Variants in FAM107B observed in about 807,000 individuals in gnomAD.
FAM107B encodes the protein protein FAM107B.
Under a neutral mutation model 31.5 loss-of-function variants are expected in FAM107B, and 21 were observed. The observed-to-expected ratio is 0.67, with a 90% CI of 0.47 to 0.96. FAM107B has a LOEUF of 0.96. FAM107B is among the 40% of genes least tolerant of loss of function. The probability of loss-of-function intolerance (pLI) is 0.00; values close to 1 mark genes in which losing one functional copy is unlikely to be tolerated. For synonymous variants in FAM107B, 157 were observed against 141.5 expected, an observed-to-expected ratio of 1.11 and a Z score of -0.78; for missense variants, 452 against 377.1, an observed-to-expected ratio of 1.20 and a Z score of -1.64.
chr10:14,529,288 TAATCCAAC>T (rs1846675930), intron 3 of FAM107B, among the ~76,000 whole-genome samples: 2 of 152,212 alleles, frequency 1.3e-5, no homozygotes, highest in Non-Finnish European at 2.9e-5. Context: ...TAATATACAT[TAATCCAAC>T]AGCTTCCTAC....
chr10:14,655,507 C>T (rs1348648349), intron 2 of FAM107B, among the ~76,000 whole-genome samples: 6 of 152,216 alleles, frequency 3.9e-5, no homozygotes, highest in Non-Finnish European at 4.4e-5. Context: ...GCAACCTCCG[C>T]CTCCCAGGTT....
At chr10:14,552,856 G>T (rs2131085774) in intron 2 of FAM107B, among the ~76,000 whole-genome samples, 1 of 152,124 alleles carries the variant, frequency 6.6e-6, no homozygotes, top group East Asian at 1.9e-4. Flanking sequence ...TCGTTGTAAT[G>T]CTTGTTGTGA....
chr10:14,591,257 A>G (rs1488282658), intron 2 of FAM107B, among the ~76,000 whole-genome samples: 1 of 152,224 alleles, frequency 6.6e-6, no homozygotes. Context: ...TTAGGTGAAC[A>G]GGCACCCAAG....
intron 2 of FAM107B, chr10:14,604,217 G>C: frequency 8.2e-6 from 8 of 979,758 alleles, no homozygotes; most frequent in Non-Finnish European, 9.7e-6. Flanking sequence ...TGTGTGGAAA[G>C]TAAGTGCGGG....
chr10:14,723,750 G>A, intron 1 of FAM107B: 1 of 757,940 alleles, frequency 1.3e-6, no homozygotes, highest in Non-Finnish European at 2.4e-6. Flanking sequence ...CAGGGGTGAA[G>A]TGGCCAGCAA....
chr10:14,604,584 G>A (rs1376662415), intron 2 of FAM107B, among the ~76,000 whole-genome samples: 1 of 151,814 alleles, frequency 6.6e-6, no homozygotes, highest in African/African-American at 2.4e-5. Flanking sequence ...ACCAGCCGGG[G>A]CTGCAGCGCT....
intron 2 of FAM107B, among the ~76,000 whole-genome samples, chr10:14,591,635 C>A (rs1339986707): frequency 6.6e-6 from 1 of 152,120 alleles, no homozygotes; most frequent in African/African-American, 2.4e-5. Flanking sequence ...GGAGAAAGAT[C>A]GATGAGGAAA....
chr10:14,618,956 GGAA>G (rs752962033), intron 2 of FAM107B, among the ~76,000 whole-genome samples: 2 of 152,158 alleles, frequency 1.3e-5, no homozygotes, highest in Non-Finnish European at 2.9e-5. Flanking sequence ...CAGACACGCA[GGAA>G]GAAGATGGTC....
chr10:14,577,218 C>T (rs1298736520), intron 2 of FAM107B, among the ~76,000 whole-genome samples: 1 of 152,212 alleles, frequency 6.6e-6, no homozygotes, highest in Non-Finnish European at 1.5e-5. Context: ...GTTTCTCTGT[C>T]AAATCCTTCC....
At chr10:14,745,416 T>C (rs192355845) in intron 1 of FAM107B, among the ~76,000 whole-genome samples, 347 of 152,272 alleles carry the variant, frequency 2.3e-3, no homozygotes, top group African/African-American at 7.6e-3. Context: ...GAGATCTTTC[T>C]AGCTTTTTGA....
chr10:14,528,868 A>T (rs1457480181), intron 3 of FAM107B, among the ~76,000 whole-genome samples: 1 of 152,206 alleles, frequency 6.6e-6, no homozygotes. Flanking sequence ...TTTAGAGAAC[A>T]CTTATTCTGC....
chr10:14,711,463 T>C (rs1016553387), intron 1 of FAM107B, among the ~76,000 whole-genome samples: 1 of 152,174 alleles, frequency 6.6e-6, no homozygotes, highest in Non-Finnish European at 1.5e-5. Context: ...CGTGTTACAA[T>C]TGCCTACAGT....
intron 1 of FAM107B, among the ~76,000 whole-genome samples, chr10:14,714,818 GA>G (rs1248334506): frequency 6.6e-6 from 1 of 152,180 alleles, no homozygotes; most frequent in East Asian, 1.9e-4. Flanking sequence ...ATCAATGATG[GA>G]AGACAAATTA....
At chr10:14,530,743 C>A (rs1846891772) in intron 2 of FAM107B, among the ~76,000 whole-genome samples, 1 of 152,196 alleles carries the variant, frequency 6.6e-6, no homozygotes, top group African/African-American at 2.4e-5. Context: ...GGCCAGGGAG[C>A]CCTGTGGCCT....
chr10:14,603,738 A>C (rs1852481594), intron 2 of FAM107B, among the ~76,000 whole-genome samples: 1 of 152,128 alleles, frequency 6.6e-6, no homozygotes, highest in Non-Finnish European at 1.5e-5. Context: ...TTACTTGCAG[A>C]CTGGAGTCAG....
At chr10:14,610,031 A>G (rs1852688251) in intron 2 of FAM107B, among the ~76,000 whole-genome samples, 1 of 152,214 alleles carries the variant, frequency 6.6e-6, no homozygotes, top group Non-Finnish European at 1.5e-5. Context: ...ACAATAGGGA[A>G]AGGAAAACGA....
intron 1 of FAM107B, among the ~76,000 whole-genome samples, chr10:14,711,636 C>T (rs886190677): frequency 5.9e-5 from 9 of 152,122 alleles, no homozygotes; most frequent in African/African-American, 9.7e-5. Flanking sequence ...AAAATGTATC[C>T]CTGCTTTTTT....
At chr10:14,737,779 TC>T (rs1365428287) in intron 1 of FAM107B, among the ~76,000 whole-genome samples, 2 of 150,212 alleles carry the variant, frequency 1.3e-5, no homozygotes, top group African/African-American at 4.9e-5. Flanking sequence ...TCTCTCTCTC[TC>T]TCTCTCTCTC....
chr10:14,527,387 A>C (rs1157777483), intron 3 of FAM107B, among the ~76,000 whole-genome samples: 1 of 152,208 alleles, frequency 6.6e-6, no homozygotes, highest in Non-Finnish European at 1.5e-5. Flanking sequence ...CAGTTAGAAG[A>C]CCTGTGGGTA....
Sources: allele counts gnomAD v4.1 joint callset (sites outside exome capture counted in the v4.1 genomes callset), GRCh38; gene constraint gnomAD v4.1.1; transcripts MANE v1.5; gene names NCBI Gene and HGNC (gene_info 2026-07-23, HGNC 2026-07-21).